Variants in ME3 observed in about 807,000 individuals in gnomAD.
ME3 encodes malic enzyme 3.
A neutral mutation model predicts 68.9 loss-of-function variants in ME3; 48 were observed. That is an observed-to-expected ratio of 0.70 (90% CI 0.55 to 0.89). The LOEUF is 0.89. Ranked by LOEUF, ME3 falls within the 40% of genes least tolerant of loss-of-function variation. ME3 has a pLI of 0.00. For missense variants in ME3, 675 were observed against 797.4 expected, an observed-to-expected ratio of 0.85 and a Z score of 1.85; for synonymous variants, 320 against 318.8, an observed-to-expected ratio of 1.00 and a Z score of -0.04.
chr11:86,601,064 C>T (rs943146174), intron 2 of ME3, among the ~76,000 whole-genome samples: 3 of 151,904 alleles, frequency 2.0e-5, no homozygotes, highest in African/African-American at 7.3e-5. Flanking sequence ...AGAGCAAACA[C>T]ATTCAAAAGC....
At chr11:86,581,735 C>G (rs1486502743) in intron 2 of ME3, among the ~76,000 whole-genome samples, 2 of 152,124 alleles carry the variant, frequency 1.3e-5, no homozygotes, top group African/African-American at 4.8e-5. Context: ...ATTCCCTACT[C>G]AGCAATGGTA....
At chr11:86,497,280 C>T (rs936136194) in intron 6 of ME3, among the ~76,000 whole-genome samples, 6 of 152,146 alleles carry the variant, frequency 3.9e-5, no homozygotes, top group Non-Finnish European at 5.9e-5. Flanking sequence ...TGACTGTGCC[C>T]GGCCTCAATA....
intron 6 of ME3, among the ~76,000 whole-genome samples, chr11:86,496,725 T>C (rs1952359956): frequency 6.6e-6 from 1 of 152,192 alleles, no homozygotes; most frequent in Non-Finnish European, 1.5e-5. Context: ...GGGGGTTTTC[T>C]TATGTAAATT....
chr11:86,584,943 A>G (rs910017713), intron 2 of ME3, among the ~76,000 whole-genome samples: 2 of 152,208 alleles, frequency 1.3e-5, no homozygotes, highest in African/African-American at 2.4e-5. Context: ...GCTCATGGCA[A>G]ATGTTCTCAC....
chr11:86,599,190 T>C (rs4944601), intron 2 of ME3, among the ~76,000 whole-genome samples: 25,567 of 152,090 alleles, frequency 0.17, 2,493 homozygotes, highest in East Asian at 0.39. Flanking sequence ...GGCAAAGAAG[T>C]TGAAAACATT....
At chr11:86,569,211 A>G (rs1957647702) in intron 2 of ME3, among the ~76,000 whole-genome samples, 1 of 152,224 alleles carries the variant, frequency 6.6e-6, no homozygotes, top group Admixed American at 6.5e-5. Flanking sequence ...AGTCTGGCAG[A>G]AGGGGCTGCA....
chr11:86,435,019 A>G, the ME3 span: 3 of 152,218 alleles, frequency 2.0e-5, no homozygotes, highest in Admixed American at 1.3e-4. Flanking sequence ...GATTTACACA[A>G]AACAGTCAAC....
At position 86,571,076 on chromosome 11, in the gene ME3, T is replaced by G. The variant is rs150220712; in HGVS notation, c.184-11253A>C. Among the ~76,000 whole-genome samples, 310 of 152,350 alleles carry G rather than the reference T, an allele frequency of 2.0e-3. 2 individuals carry two copies. The highest frequency in any genetic ancestry group is 3.4e-3 in the Non-Finnish European group (232 of 68,030). ...GCTGTGCCTATTACAGTTTTAAATCTTTTTAGGTTAAGGGTTATAAGCAAT... is the reference window on the plus strand; with the variant it reads ...GCTGTGCCTATTACAGTTTTAAATCGTTTTAGGTTAAGGGTTATAAGCAAT... On this transcript the variant is annotated intron_variant, in intron 2 of 14. Transcript: ENST00000543262.
intron 5 of ME3, among the ~76,000 whole-genome samples, chr11:86,501,862 C>T (rs1019353407): frequency 6.6e-6 from 1 of 151,284 alleles, no homozygotes; most frequent in Admixed American, 6.6e-5. Context: ...CGGATCAGAT[C>T]ATCCATCTTC....
At position 86,585,350 on chromosome 11, in the gene ME3, G is replaced by A. The variant is rs1442988102; in HGVS notation, c.184-25527C>T. Among the ~76,000 whole-genome samples the A allele has an allele frequency of 3.3e-5, 5 of 152,208 alleles. 1 individual carries two copies. The highest frequency in any genetic ancestry group is 7.3e-5 in the Non-Finnish European group (5 of 68,044). ...TCCAGTTAAGAGGCAATGGTAGCTTGTGCTAGGATGGTGGAATGCAGCTGG... is the reference window on the plus strand; with the variant it reads ...TCCAGTTAAGAGGCAATGGTAGCTTATGCTAGGATGGTGGAATGCAGCTGG... On this transcript the variant is annotated intron_variant, in intron 2 of 14. Transcript: ENST00000543262.
intron 2 of ME3, among the ~76,000 whole-genome samples, chr11:86,607,750 T>C (rs1033027083): frequency 6.6e-6 from 1 of 151,542 alleles, no homozygotes; most frequent in Non-Finnish European, 1.5e-5. Context: ...ATATTTTACA[T>C]TGAGCAAAAG....
At position 86,483,110 on chromosome 11, in the gene ME3, T is replaced by C. The variant is rs537189098; in HGVS notation, c.809+4227A>G. 1.4e-4 allele frequency among the ~76,000 whole-genome samples: 22 copies of C among 152,328 alleles called. No homozygotes were observed. The South Asian group carries it at 3.5e-3, about 24-fold the overall frequency. On this transcript the variant is annotated intron_variant, in intron 7 of 14. Coordinates refer to ENST00000543262, the Ensembl canonical transcript of ME3. ...TGCACAAAGGCCCGACAAGTAACAA[T>C]TCCTTTGATCCCTGTAAATCTGATC...
chr11:86,635,324 C>T lies in ME3; in HGVS notation c.183+36438G>A, dbSNP rs867489300. On this transcript the variant is annotated intron_variant, in intron 2 of 14. Coordinates refer to ENST00000543262, the Ensembl canonical transcript of ME3. ...CTGAGGAAGGGCCACGTGAGGACGC[C>T]GTGAGAATGTGGCTGTCTGCAAGCC... Among the ~76,000 whole-genome samples the T allele has an allele frequency of 1.1e-4, 16 of 152,242 alleles. No individual in the cohort carries two copies. In the South Asian group the frequency reaches 1.2e-3, roughly 12 times the overall value.
At chr11:86,647,471 C>T (rs1043383218) in intron 2 of ME3, among the ~76,000 whole-genome samples, 5 of 147,402 alleles carry the variant, frequency 3.4e-5, no homozygotes, top group South Asian at 2.2e-4. Flanking sequence ...GGAGACACAG[C>T]GAGACTCCAT....
At chr11:86,498,235 C>T in intron 5 of ME3, 111 bp from the exon 6 acceptor site, 1 of 1,311,734 alleles carries the variant, frequency 7.6e-7, no homozygotes, top group Non-Finnish European at 1.0e-6. Context: ...ACTGACTTTG[C>T]CGGTGTGAAA....
At chr11:86,463,622 T>A (rs901181495) in intron 8 of ME3, among the ~76,000 whole-genome samples, 2 of 152,246 alleles carry the variant, frequency 1.3e-5, no homozygotes, top group East Asian at 3.8e-4. Flanking sequence ...CTCCCCTCCC[T>A]CTGGATACCC....
intron 2 of ME3, among the ~76,000 whole-genome samples, chr11:86,645,388 C>T (rs1944935589): frequency 6.6e-6 from 1 of 152,094 alleles, no homozygotes; most frequent in Non-Finnish European, 1.5e-5. Context: ...GAGGGGTGTC[C>T]ACCATTTCTG....
chr11:86,604,838 A>G (rs569841942), intron 2 of ME3, among the ~76,000 whole-genome samples: 4 of 152,332 alleles, frequency 2.6e-5, no homozygotes, highest in African/African-American at 9.6e-5. Context: ...AAGTTGAATT[A>G]ATCCATTGTA....
rs191755297 is a variant in ME3, at chr11:86,460,337, C to T, written c.919+4754G>A. On this transcript the variant is annotated intron_variant, in intron 8 of 14. Transcript: ENST00000543262. The stretch of plus-strand genomic sequence containing the variant: ...TTCAAGTGCTCGGGCTTCAGAGGCC[C>T]AGCCCCTTGGGGTCAGTGATTCTGA... 2.6e-5 allele frequency among the ~76,000 whole-genome samples: 4 copies of T among 152,316 alleles called. No homozygotes were observed. The East Asian group carries it at 7.7e-4, about 29-fold the overall frequency.
Sources: gnomAD v4.1 joint callset for allele counts (sites outside exome capture counted in the v4.1 genomes callset) on GRCh38, gnomAD v4.1.1 for gene constraint, MANE v1.5 for transcripts, NCBI Gene and HGNC (gene_info 2026-07-23, HGNC 2026-07-21) for gene names.